WAPL: variants seen among roughly 807,000 people sequenced by gnomAD.
The protein encoded by WAPL is WAPL cohesin release factor.
Under a neutral mutation model 121.0 loss-of-function variants are expected in WAPL, and 5 were observed. That is an observed-to-expected ratio of 0.04 (90% CI 0.02 to 0.09). The LOEUF (loss-of-function observed/expected upper bound fraction) is 0.09, where lower values mean the gene tolerates loss of function less well. Ranked by LOEUF, WAPL falls within the 10% of genes least tolerant of loss-of-function variation. The pLI, the probability that WAPL is intolerant of heterozygous loss-of-function variation, is 1.00. For synonymous variants in WAPL, 480 were observed against 481.5 expected, an observed-to-expected ratio of 1.00 and a Z score of 0.04; for missense variants, 999 against 1,410.8, an observed-to-expected ratio of 0.71 and a Z score of 4.68.
intron 5 of WAPL, among the ~76,000 whole-genome samples, chr10:86,473,208 C>T (rs964026048): frequency 6.6e-6 from 1 of 152,100 alleles, no homozygotes; most frequent in Non-Finnish European, 1.5e-5. Flanking sequence ...TATATTACTA[C>T]TAATATACAA....
At chr10:86,486,958 A>G (rs1033042694) in intron 4 of WAPL, among the ~76,000 whole-genome samples, 2 of 152,116 alleles carry the variant, frequency 1.3e-5, no homozygotes, top group African/African-American at 4.8e-5. Flanking sequence ...CCCTGTCTCA[A>G]CAACAAAAAA....
chr10:86,515,990 G>A (rs1034889718), intron 2 of WAPL, among the ~76,000 whole-genome samples: 5 of 146,326 alleles, frequency 3.4e-5, no homozygotes, highest in African/African-American at 1.0e-4. Flanking sequence ...CTCAACCTCC[G>A]TAGTAGGTGG....
At chr10:86,504,768 C>G (rs890484262) in intron 2 of WAPL, among the ~76,000 whole-genome samples, 8 of 152,034 alleles carry the variant, frequency 5.3e-5, no homozygotes, top group African/African-American at 1.9e-4. Context: ...TATGATCACA[C>G]CTGTGTGAGT....
Position 86,517,842 on chromosome 10 carries a change from A to G in WAPL, c.228T>C (p.Asp76=), listed in dbSNP as rs747715819. 1 of 1,614,178 alleles carries G rather than the reference A, an allele frequency of 6.2e-7. No homozygotes were observed. Among genetic ancestry groups the G allele is most frequent in the South Asian group, 1.1e-5 (1 of 91,080 alleles). The change falls in exon 2 of 19, where the codon GAT becomes GAC. Residue 76 remains aspartate (D), a synonymous_variant. Coordinates refer to ENST00000298767, the MANE Select transcript of WAPL (RefSeq NM_015045.5). ...EESTGDPFGF[D]SDDESLPVSS... ...AAACTGGTAGAGACTCATCATCACT[A>G]TCAAATCCAAAAGGATCTCCAGTAC... is the stretch of plus-strand genomic sequence containing the variant.
chr10:86,453,106 GA>G (rs200447718), intron 14 of WAPL, 113 bp downstream of exon 14: 3 of 320,352 alleles, frequency 9.4e-6, no homozygotes, highest in South Asian at 8.8e-5. Flanking sequence ...GGAAATTCAT[GA>G]AAAAAAACCC....
intron 9 of WAPL, among the ~76,000 whole-genome samples, chr10:86,465,591 G>A (rs567366482): frequency 3.3e-5 from 5 of 152,242 alleles, no homozygotes; most frequent in African/African-American, 1.2e-4. Context: ...GGTACTTACT[G>A]TATATCCTGC....
chr10:86,479,556 A>C (rs1401061904), intron 4 of WAPL, among the ~76,000 whole-genome samples: 1 of 152,242 alleles, frequency 6.6e-6, no homozygotes, highest in Non-Finnish European at 1.5e-5. Context: ...GCACAGCCAA[A>C]AAAAAGGAAT....
At position 86,500,441 on chromosome 10, in the gene WAPL, A is replaced by G. The variant is rs375636540; in HGVS notation, c.802T>C (p.Phe268Leu). Residue 268 changes from phenylalanine (F) to leucine (L), a missense_variant, in exon 3 of 19, where the codon TTT (phenylalanine) becomes CTT (leucine). By Grantham distance (22) the Phe-to-Leu change is conservative. Transcript: ENST00000298767. ...TTCAGATTTTCCAATCGATTTTTAA[A>G]ATCGTCATCCTTCATCTCCAAAAGG... ...DPLLEMKDDDFKNRLENLNEA... is the reference protein window; with the variant it reads ...DPLLEMKDDDLKNRLENLNEA... 21 of 1,614,100 alleles carry G rather than the reference A, an allele frequency of 1.3e-5. No homozygotes were observed. The African/African-American group carries it at 1.3e-4, about 10-fold the overall frequency.
chr10:86,455,701 G>GAAAAAAAAAAAAAAAAA (rs1841128136), intron 12 of WAPL, among the ~76,000 whole-genome samples: 1 of 109,818 alleles, frequency 9.1e-6, no homozygotes, highest in Non-Finnish European at 2.0e-5. Flanking sequence ...AAAAAAGAAA[G>GAAAAAAAAAAAAAAAAA]AAAGAAAAAA....
intron 4 of WAPL, among the ~76,000 whole-genome samples, chr10:86,486,083 C>CT (rs1218619776): frequency 9.9e-5 from 15 of 152,272 alleles, no homozygotes; most frequent in Middle Eastern, 3.4e-3. Context: ...TACAGTCATT[C>CT]TTTTTTTCAG....
chr10:86,521,462 G>A lies in WAPL; in HGVS notation c.-120C>T, dbSNP rs934256410. On this transcript the variant is annotated 5_prime_UTR_variant, in exon 1 of 19. Coordinates refer to ENST00000298767, the MANE Select transcript of WAPL (RefSeq NM_015045.5). Reference sequence around the variant, plus strand: ...CGCGGAACCCTCGCGCGGGAGAGCAGGGCCGGCAGGTGAGAGCCGAGAGAG... The same window carrying A: ...CGCGGAACCCTCGCGCGGGAGAGCAAGGCCGGCAGGTGAGAGCCGAGAGAG... 3.1e-6 allele frequency: 1 copy of A among 321,318 alleles called. No individual in the cohort carries two copies. The highest frequency in any genetic ancestry group is 6.3e-6 in the Non-Finnish European group (1 of 158,642). 19.9% of individuals were successfully genotyped at this position (321,318 alleles called of 1,614,324 possible). A position where few individuals can be genotyped will look rare whatever the true frequency, so the allele number is the denominator to read the frequency against.
At chr10:86,443,077 A>G (rs1460886164) in intron 17 of WAPL, among the ~76,000 whole-genome samples, 198 bp downstream of exon 17, 2 of 151,750 alleles carry the variant, frequency 1.3e-5, no homozygotes, top group Non-Finnish European at 2.9e-5. Context: ...AAATGTTAAC[A>G]CATTTTCTTG....
chr10:86,462,686 C>A (rs1368815441), intron 9 of WAPL, among the ~76,000 whole-genome samples: 2 of 142,176 alleles, frequency 1.4e-5, no homozygotes, highest in African/African-American at 5.3e-5. Flanking sequence ...TGTGCCACTG[C>A]ACTCCAACCT....
intron 16 of WAPL, chr10:86,443,602 C>T (rs1315142346): frequency 4.5e-6 from 2 of 440,990 alleles, no homozygotes; most frequent in East Asian, 3.5e-5. Flanking sequence ...ACACAATTAA[C>T]AAACTGAAAA....
At position 86,453,215 on chromosome 10, in the gene WAPL, C is replaced by A; in HGVS notation, c.2949+5G>T. ...CTCATTTCTGAAAAAGTCATTTCAA[C>A]TTACCAGCACTCGAATATCAAATCT... On this transcript the variant is annotated splice_donor_5th_base_variant and intron_variant, in intron 14 of 18. Transcript: ENST00000298767. 1 of 1,613,846 alleles carries A rather than the reference C, an allele frequency of 6.2e-7. No individual in the cohort carries two copies. Among genetic ancestry groups the A allele is most frequent in the South Asian group, 1.1e-5 (1 of 91,054 alleles).
intron 17 of WAPL, among the ~76,000 whole-genome samples, chr10:86,438,855 A>C (rs1231593900): frequency 6.6e-6 from 1 of 152,258 alleles, no homozygotes; most frequent in African/African-American, 2.4e-5. Context: ...CATTATTAGC[A>C]AGAAGCAGCC....
chr10:86,473,683 T>C (rs1265261544), intron 5 of WAPL, among the ~76,000 whole-genome samples, 195 bp downstream of exon 5: 1 of 152,220 alleles, frequency 6.6e-6, no homozygotes, highest in Non-Finnish European at 1.5e-5. Context: ...CTAGCAGCAC[T>C]AGAATTTCTG....
intron 4 of WAPL, among the ~76,000 whole-genome samples, chr10:86,495,003 T>C (rs989308884): frequency 6.6e-6 from 1 of 152,138 alleles, no homozygotes; most frequent in Non-Finnish European, 1.5e-5. Context: ...AGATCCCCAG[T>C]GGGCTCTTCA....
At chr10:86,476,300 G>T (rs1456297605) in intron 4 of WAPL, among the ~76,000 whole-genome samples, 3 of 152,178 alleles carry the variant, frequency 2.0e-5, no homozygotes, top group Non-Finnish European at 4.4e-5. Flanking sequence ...GGGAGTCGGA[G>T]GTTGCAGTGA....
Sources: allele counts gnomAD v4.1 joint callset (sites outside exome capture counted in the v4.1 genomes callset), GRCh38; gene constraint gnomAD v4.1.1; transcripts MANE v1.5; gene names NCBI Gene and HGNC (gene_info 2026-07-23, HGNC 2026-07-21).